The following LETM1 variants were observed in gnomAD, a reference collection of about 807,000 sequenced individuals.
The protein encoded by LETM1 is leucine zipper and EF-hand containing transmembrane protein 1, also known as mitochondrial proton/calcium exchanger protein.
A neutral mutation model predicts 74.5 loss-of-function variants in LETM1; 50 were observed. The observed-to-expected ratio is 0.67, with a 90% CI of 0.53 to 0.85. The LOEUF is 0.85. Ranked by LOEUF, LETM1 falls within the 40% of genes least tolerant of loss-of-function variation. LETM1 has a pLI of 0.00. For missense variants in LETM1, 824 were observed against 967.8 expected, an observed-to-expected ratio of 0.85 and a Z score of 1.97; for synonymous variants, 446 against 407.1, an observed-to-expected ratio of 1.10 and a Z score of -1.15.
At position 1,815,768 on chromosome 4, in the gene LETM1, C is replaced by T. The variant is rs200956240; in HGVS notation, c.1966G>A (p.Ala656Thr). Residue 656 changes from alanine (A) to threonine (T), a missense_variant, in exon 13 of 14, where the codon GCC becomes ACC. Around this residue, in one of 4 missense-constraint regions of LETM1, gnomAD observed 161 missense variants for 252.7 expected, o/e 0.64. Coordinates refer to ENST00000302787, the MANE Select transcript of LETM1 (RefSeq NM_012318.3). ...NVISVAELINAMKQVKHIPES... is the reference protein window; with the variant it reads ...NVISVAELINTMKQVKHIPES... ...GGAATGTGCTTGACTTGCTTCATGG[C>T]GTTGATGAGCTCAGCGACACTGATG... 3.7e-6 allele frequency: 6 copies of T among 1,614,182 alleles called. No homozygotes were observed. Among genetic ancestry groups the T allele is most frequent in the Admixed American group, 1.7e-5 (1 of 60,022 alleles).
At chr4:1,832,360 G>A (rs1207679055) in intron 6 of LETM1, among the ~76,000 whole-genome samples, 2 of 152,070 alleles carry the variant, frequency 1.3e-5, no homozygotes, top group African/African-American at 2.4e-5. Flanking sequence ...AAGCACAAAA[G>A]GGCGTGAAGC....
Position 1,825,588 on chromosome 4 carries a change from G to T in LETM1, c.1176C>A (p.Asp392Glu), listed in dbSNP as rs762567157. ...RGMRALGVTE[D>E]RLRGQLKQWL... ...CCTGCTTCAGCTGACCCCTCAGGCG[G>T]TCTTCCGTGACGCCCAGGGCCCGCA... Residue 392 changes from aspartate to glutamate, a missense_variant, in exon 7 of 14, where the codon GAC (aspartate) becomes GAA (glutamate). Asp to Glu is a conservative substitution (Grantham distance 45, BLOSUM62 2). Transcript: ENST00000302787. The T allele has an allele frequency of 6.2e-7, 1 of 1,613,512 alleles. No homozygotes were observed. Among genetic ancestry groups the T allele is most frequent in the South Asian group, 1.1e-5 (1 of 91,062 alleles).
At chr4:1,821,988 C>G (rs545167981) in intron 10 of LETM1, among the ~76,000 whole-genome samples, 193 bp downstream of exon 10, 2 of 152,208 alleles carry the variant, frequency 1.3e-5, no homozygotes, top group Non-Finnish European at 2.9e-5. Context: ...GGAGCCCGGC[C>G]GGACTCACTC....
rs1332279988 is a variant in LETM1 at position 1,856,080 on chromosome 4, G to A, written c.-130C>T. ...ACGGCTGACAGAGGCGGCTGGCCTC[G>A]GACGGGAGGCGCTCTCCTCAAGGAC... On this transcript the variant is annotated 5_prime_UTR_variant, in exon 1 of 14. Coordinates refer to ENST00000302787, the MANE Select transcript of LETM1 (RefSeq NM_012318.3). 5 of 467,584 alleles carry A rather than the reference G, an allele frequency of 1.1e-5. No individual in the cohort carries two copies. The highest frequency in any genetic ancestry group is 6.2e-5 in the African/African-American group (3 of 48,714). The allele number at this position is 467,584 out of a possible 1,614,324, so 29.0% of individuals were successfully genotyped here. A position where few individuals can be genotyped will look rare whatever the true frequency, so the allele number is the denominator to read the frequency against.
intron 2 of LETM1, among the ~76,000 whole-genome samples, chr4:1,848,729 A>AG (rs1712968184): frequency 1.3e-5 from 2 of 150,606 alleles, no homozygotes; most frequent in Admixed American, 6.6e-5. Flanking sequence ...AAAAAAAAAA[A>AG]AAAAAAAGAA....
chr4:1,836,431 T>C lies in LETM1; in HGVS notation c.736A>G (p.Lys246Glu). The C allele has an allele frequency of 6.2e-7, 1 of 1,613,806 alleles. No homozygotes were observed. The part of the protein sequence containing the change: ...LPSTFETQSL[K>E]EERLKKELRV... ...AGCAGTTGGGATGCTGCCCTTACCTTGAGTGACTGAGTCTCAAATGTGGAT... is the reference window on the plus strand; with the variant it reads ...AGCAGTTGGGATGCTGCCCTTACCTCGAGTGACTGAGTCTCAAATGTGGAT... Residue 246 changes from lysine (K) to glutamate (E), a missense_variant and splice_region_variant, in exon 4 of 14, where the codon AAG (lysine) becomes GAG (glutamate). Lys to Glu is a moderately conservative substitution (Grantham distance 56). This residue lies in a region of LETM1 where 269 missense variants were observed against 348.8 expected (regional missense o/e 0.77). Coordinates refer to ENST00000302787, the MANE Select transcript of LETM1 (RefSeq NM_012318.3). This position sits in a 1 kb window ranked among gnomAD's most constrained non-coding sequence, Gnocchi z 5.8.
chr4:1,840,692 T>C (rs906694935), intron 3 of LETM1, among the ~76,000 whole-genome samples: 4 of 149,776 alleles, frequency 2.7e-5, no homozygotes, highest in African/African-American at 7.4e-5. Flanking sequence ...AACAAATAAA[T>C]ATAAAAATAA....
In LETM1 at chr4:1,834,468, T is replaced by A. The variant is rs1298244053; in HGVS notation, c.876+377A>T. 12 of 1,032,476 alleles carry A rather than the reference T, an allele frequency of 1.2e-5. No homozygotes were observed. Among genetic ancestry groups the A allele is most frequent in the Non-Finnish European group, 1.4e-5 (12 of 859,416 alleles). 64.0% of individuals were successfully genotyped at this position (1,032,476 alleles called of 1,614,324 possible). ...TCTGACCAGCCCCTGGGACCTGGGA[T>A]CTTCTTGACTGACTCCAGCCAGAGG... is the stretch of plus-strand genomic sequence containing the variant. On this transcript the variant is annotated intron_variant, in intron 5 of 13. Transcript: ENST00000302787. The surrounding 1 kb of genome is among the most constrained non-coding windows in gnomAD (Gnocchi z 5.0).
At chr4:1,814,731 C>T (rs1209249479) in intron 13 of LETM1, among the ~76,000 whole-genome samples, 158 bp from the exon 14 acceptor site, 1 of 152,228 alleles carries the variant, frequency 6.6e-6, no homozygotes, top group Admixed American at 6.5e-5. Context: ...ACCAATTCCC[C>T]CAAGGGGTGC....
At chr4:1,828,681 G>A (rs1313613587) in intron 6 of LETM1, among the ~76,000 whole-genome samples, 1 of 135,210 alleles carries the variant, frequency 7.4e-6, no homozygotes, top group Non-Finnish European at 1.6e-5. Context: ...GCTGGGCGGG[G>A]GGCTGACCCC....
At chr4:1,822,666 G>A in intron 9 of LETM1, 1 of 348,464 alleles carries the variant, frequency 2.9e-6, no homozygotes, top group Non-Finnish European at 5.1e-6. Context: ...GGCTGGGGGA[G>A]CCTGCAGCTC....
chr4:1,850,465 T>A (rs1241439155), intron 1 of LETM1, among the ~76,000 whole-genome samples: 1 of 151,908 alleles, frequency 6.6e-6, no homozygotes, highest in Non-Finnish European at 1.5e-5. Context: ...CAGACAGCCC[T>A]ATAGAGCAAG....
chr4:1,822,892 A>G, intron 9 of LETM1, 96 bp downstream of exon 9: 3 of 1,149,294 alleles, frequency 2.6e-6, no homozygotes, highest in Non-Finnish European at 3.3e-6. Context: ...GCTGCAGGGC[A>G]AGCATGCGGG....
chr4:1,821,123 A>ATTTT (rs572170622), intron 10 of LETM1, among the ~76,000 whole-genome samples: 1 of 141,024 alleles, frequency 7.1e-6, no homozygotes. Flanking sequence ...AAAAAGTGAA[A>ATTTT]TTTTTTTTTT....
At chr4:1,838,209 C>T (rs1194808760) in intron 3 of LETM1, among the ~76,000 whole-genome samples, 2 of 152,014 alleles carry the variant, frequency 1.3e-5, no homozygotes, top group Non-Finnish European at 2.9e-5. Context: ...AAGTGATTCT[C>T]CTGCCTCAGC....
intron 3 of LETM1, among the ~76,000 whole-genome samples, chr4:1,837,779 T>C (rs1184931690): frequency 2.6e-5 from 4 of 150,956 alleles, no homozygotes; most frequent in Non-Finnish European, 5.9e-5. Context: ...TCTTGGGTCA[T>C]TGTATCTCCA....
chr4:1,828,494 G>A (rs1712105099), intron 6 of LETM1, among the ~76,000 whole-genome samples: 3 of 123,000 alleles, frequency 2.4e-5, no homozygotes, highest in Admixed American at 7.4e-5. Flanking sequence ...GCGGCTGGCC[G>A]GGCAGGGGGG....
At chr4:1,828,256 G>A in intron 6 of LETM1, among the ~76,000 whole-genome samples, 1 of 137,750 alleles carries the variant, frequency 7.3e-6, no homozygotes, top group South Asian at 2.3e-4. Flanking sequence ...TCCCGGACGG[G>A]GCGGCTGGCC....
chr4:1,819,309 T>C (rs754431378), intron 11 of LETM1, 29 bp downstream of exon 11: 5 of 1,586,096 alleles, frequency 3.2e-6, no homozygotes, highest in Non-Finnish European at 2.6e-6. Flanking sequence ...TCTTGCAGTC[T>C]CAGAGTCCAG....
Sources: gnomAD v4.1 joint callset for allele counts (sites outside exome capture counted in the v4.1 genomes callset) on GRCh38, gnomAD v4.1.1 for gene constraint, gnomAD v4.1.1 regional missense constraint, Gnocchi (gnomAD v3.1) non-coding constraint, MANE v1.5 for transcripts, NCBI Gene and HGNC (gene_info 2026-07-23, HGNC 2026-07-21) for gene names.